OARD1: variants seen among roughly 807,000 people sequenced by gnomAD.
OARD1 encodes the protein ADP-ribose glycohydrolase OARD1.
Under a neutral mutation model 19.7 loss-of-function variants are expected in OARD1, and 19 were observed. That is an observed-to-expected ratio of 0.96 (90% CI 0.67 to 1.41). OARD1 has a LOEUF of 1.41. OARD1 is among the 40% of genes most tolerant of loss of function. OARD1 has a pLI of 0.00. For missense variants in OARD1, 190 were observed against 183.8 expected, an observed-to-expected ratio of 1.03 and a Z score of -0.20; for synonymous variants, 70 against 61.8, an observed-to-expected ratio of 1.13 and a Z score of -0.62.
In OARD1 at chr6:41,070,076, C is replaced by G. The variant is rs760576656; in HGVS notation, c.243G>C (p.Leu81Phe). ...LKRDGRYIYY[L>F]ITKKRASHKP... ...AAAAAAGGAATTGGCCCCATCTTAC[C>G]AAGTAATATATATATCGCCCATCTC... The change falls in exon 4 of 6, where the codon TTG becomes TTC. Residue 81 changes from leucine (L) to phenylalanine (F), a missense_variant and splice_region_variant. By Grantham distance (22) the Leu-to-Phe change is conservative. Transcript: ENST00000424266. 1 of 1,578,954 alleles carries G rather than the reference C, an allele frequency of 6.3e-7. No individual in the cohort carries two copies.
intron 1 of OARD1, among the ~76,000 whole-genome samples, chr6:41,093,416 A>C (rs1309949314): frequency 6.6e-6 from 1 of 152,080 alleles, no homozygotes; most frequent in Non-Finnish European, 1.5e-5. Context: ...TCATGGTCCA[A>C]GATTCCTGCT....
chr6:41,067,366 G>GT lies in OARD1; in HGVS notation c.427dup (p.Thr143AsnfsTer14). ...TGTGTACACAGTAATTTTGATGTCTGTTGCCTCAAATACCTCCTCGATCAT... is the reference window on the plus strand; with the variant it reads ...TGTGTACACAGTAATTTTGATGTCTGTTTGCCTCAAATACCTCCTCGATCAT... On this transcript the variant is annotated frameshift_variant, in exon 6 of 6. Transcript: ENST00000424266. LOFTEE classifies it high-confidence loss of function. 6.2e-7 allele frequency: 1 copy of GT among 1,612,568 alleles called. No individual in the cohort carries two copies. The highest frequency in any genetic ancestry group is 8.5e-7 in the Non-Finnish European group (1 of 1,178,650).
At position 41,069,877 on chromosome 6, in the gene OARD1, T is replaced by C. The variant is rs1582002208; in HGVS notation, c.243+199A>G. ...CACAGAGCTGGGATGCAGCCTCACA[T>C]TTCTTTCTAACCCAGTGCTCCAAGT... On this transcript the variant is annotated intron_variant, in intron 4 of 5. Coordinates refer to ENST00000424266, the MANE Select transcript of OARD1 (RefSeq NM_001329686.2). 9 of 640,180 alleles carry C rather than the reference T, an allele frequency of 1.4e-5. No individual in the cohort carries two copies. In the East Asian group the frequency reaches 2.6e-4, roughly 19 times the overall value. 39.7% of individuals were successfully genotyped at this position (640,180 alleles called of 1,614,324 possible).
At chr6:41,071,791 A>T in intron 1 of OARD1, 116 bp from the exon 2 acceptor site, 1 of 638,250 alleles carries the variant, frequency 1.6e-6, no homozygotes. Context: ...GATGAATGTG[A>T]GTTTGTTCGG....
chr6:41,067,508 A>G (rs1198326389), intron 5 of OARD1, 71 bp from the exon 6 acceptor site: 15 of 1,010,056 alleles, frequency 1.5e-5, no homozygotes, highest in East Asian at 1.5e-4. Flanking sequence ...CTTTTAAGCT[A>G]TATCCACTCA....
At chr6:41,086,851 TA>T (rs1183658406) in intron 1 of OARD1, among the ~76,000 whole-genome samples, 2 of 152,172 alleles carry the variant, frequency 1.3e-5, no homozygotes, top group Non-Finnish European at 2.9e-5. Context: ...TACTGTATTT[TA>T]AAAAATATTT....
intron 2 of OARD1, 54 bp downstream of exon 2, chr6:41,071,542 G>C: frequency 7.1e-7 from 1 of 1,401,826 alleles, no homozygotes. Flanking sequence ...TTATGCTTTT[G>C]ACCTCCATTA....
chr6:41,094,259 G>A (rs746413326), intron 1 of OARD1: 13 of 655,244 alleles, frequency 2.0e-5, no homozygotes, highest in Non-Finnish European at 2.9e-5. Flanking sequence ...AGCTTCCATC[G>A]TCATTCTAAG....
At chr6:41,073,609 C>T (rs965927113), upstream of OARD1, among the ~76,000 whole-genome samples, 3 of 152,088 alleles carry the variant, frequency 2.0e-5, no homozygotes, top group Admixed American at 1.3e-4. Context: ...TTATCTGCAG[C>T]CCCTCTAGGT....
rs1316026836 is a variant in OARD1 at position 41,066,864 on chromosome 6, G to C, written c.*471C>G. 6.6e-6 allele frequency: 1 copy of C among 152,146 alleles called. No homozygotes were observed. Among genetic ancestry groups the C allele is most frequent in the African/African-American group, 2.4e-5 (1 of 41,396 alleles). The allele number at this position is 152,146 out of a possible 1,614,324, so 9.4% of individuals were successfully genotyped here. A position where few individuals can be genotyped will look rare whatever the true frequency, so the allele number is the denominator to read the frequency against. ...TGGTAACAATGTAGAATTTAATTTTGTAATTAAAACAAAAACTCTCCCCTA... is the reference window on the plus strand; with the variant it reads ...TGGTAACAATGTAGAATTTAATTTTCTAATTAAAACAAAAACTCTCCCCTA... On this transcript the variant is annotated 3_prime_UTR_variant, in exon 6 of 6. Coordinates refer to ENST00000424266, the MANE Select transcript of OARD1 (RefSeq NM_001329686.2).
chr6:41,097,775 C>T (rs1343433706), upstream of OARD1: 1 of 194,286 alleles, frequency 5.1e-6, no homozygotes, highest in South Asian at 9.9e-5. Context: ...ACCAAAACTG[C>T]AATCAGGAAA....
At chr6:41,092,473 C>A (rs12211177) in intron 1 of OARD1, among the ~76,000 whole-genome samples, 13 of 152,018 alleles carry the variant, frequency 8.6e-5, no homozygotes, top group African/African-American at 2.2e-4. Context: ...TTGTTTTTAC[C>A]TACATTTAGT....
chr6:41,073,001 C>G (rs1057133285), upstream of OARD1: 1 of 154,956 alleles, frequency 6.5e-6, no homozygotes, highest in Non-Finnish European at 1.4e-5. Context: ...GCGGCGGCAG[C>G]GGCGGCTGGA....
intron 1 of OARD1, chr6:41,092,819 A>T: frequency 7.3e-7 from 1 of 1,369,928 alleles, no homozygotes; most frequent in South Asian, 1.4e-5. Context: ...TTTTTGTGGC[A>T]TTTACAAAAA....
Position 41,067,420 on chromosome 6 carries a change from TCAAGACCACATC to T in OARD1, c.362_373del (p.Gly121_Leu124del). 6.2e-7 allele frequency: 1 copy of T among 1,613,150 alleles called. No individual in the cohort carries two copies. The highest frequency in any genetic ancestry group is 8.5e-7 in the Non-Finnish European group (1 of 1,179,222). ...AGATACATTTTCCCATTGCAGACGA[TCAAGACCACATC>T]CAATCCTGAAAAAGACAAAATATCT... On this transcript the variant is annotated inframe_deletion, in exon 6 of 6. Transcript: ENST00000424266.
chr6:41,074,491 A>T (rs531910639), upstream of OARD1, among the ~76,000 whole-genome samples: 145 of 152,352 alleles, frequency 9.5e-4, no homozygotes, highest in Middle Eastern at 3.4e-3. Flanking sequence ...GCCTCCGTGA[A>T]AGGCTTATCA....
intron 1 of OARD1, 157 bp from the exon 2 acceptor site, chr6:41,071,832 G>A: frequency 1.8e-6 from 1 of 554,166 alleles, no homozygotes; most frequent in East Asian, 2.8e-5. Context: ...ACCCTTCTGG[G>A]GCAAAGAGGA....
intron 1 of OARD1, among the ~76,000 whole-genome samples, chr6:41,080,471 T>G (rs1763875411): frequency 6.6e-6 from 1 of 152,188 alleles, no homozygotes; most frequent in Admixed American, 6.5e-5. Flanking sequence ...TTTTTTCTTG[T>G]GAACTCATCT....
At chr6:41,081,456 C>T (rs1484564913) in intron 1 of OARD1, among the ~76,000 whole-genome samples, 3 of 151,046 alleles carry the variant, frequency 2.0e-5, no homozygotes, top group South Asian at 4.2e-4. Context: ...CGCCACTGCA[C>T]TCCAGCCTGG....
Sources: allele counts gnomAD v4.1 joint callset (sites outside exome capture counted in the v4.1 genomes callset), GRCh38; gene constraint gnomAD v4.1.1; transcripts MANE v1.5; gene names NCBI Gene and HGNC (gene_info 2026-07-23, HGNC 2026-07-21).